The following VAPA variants were observed in gnomAD, a reference collection of about 807,000 sequenced individuals.
VAPA encodes vesicle-associated membrane protein-associated protein A.
In VAPA, 6 loss-of-function variants were observed where a neutral mutation model predicts 25.6. The observed-to-expected ratio is 0.23, with a 90% CI of 0.13 to 0.46. The LOEUF (loss-of-function observed/expected upper bound fraction) is 0.46. Ranked by LOEUF, VAPA falls within the 20% of genes least tolerant of loss-of-function variation. The pLI, the probability that VAPA is intolerant of heterozygous loss-of-function variation, is 0.99. For synonymous variants in VAPA, 112 were observed against 106.2 expected (o/e 1.05, Z -0.34); for missense variants, 244 against 302.1 (o/e 0.81, Z 1.43).
intron 1 of VAPA, 39 bp downstream of exon 1, chr18:9,914,374 C>G (rs1170946401): frequency 6.5e-7 from 1 of 1,532,462 alleles, no homozygotes; most frequent in Non-Finnish European, 8.8e-7. Context: ...GGGTGGGGCG[C>G]GCGGACCGCT....
chr18:9,935,695 T>C (rs1237969709), intron 2 of VAPA, among the ~76,000 whole-genome samples: 3 of 152,230 alleles, frequency 2.0e-5, no homozygotes, highest in South Asian at 4.1e-4. Flanking sequence ...AAATTCATAG[T>C]TTTAATAACT....
intron 1 of VAPA, among the ~76,000 whole-genome samples, chr18:9,916,349 A>C (rs897001486): frequency 6.6e-6 from 1 of 152,178 alleles, no homozygotes; most frequent in African/African-American, 2.4e-5. Flanking sequence ...AGGTGTGTAG[A>C]TGGTATAACA....
At chr18:9,938,535 A>G (rs975297523) in intron 4 of VAPA, among the ~76,000 whole-genome samples, 4 of 152,178 alleles carry the variant, frequency 2.6e-5, no homozygotes, top group African/African-American at 9.7e-5. Context: ...TAGCGCTTGA[A>G]CAAATACTGA....
intron 1 of VAPA, among the ~76,000 whole-genome samples, chr18:9,928,613 A>G (rs1239058217): frequency 2.0e-5 from 3 of 152,198 alleles, no homozygotes; most frequent in African/African-American, 7.2e-5. Context: ...TATATTTTGT[A>G]ATGCTATTGC....
chr18:9,940,629 G>A (rs2069357389), intron 4 of VAPA, among the ~76,000 whole-genome samples: 1 of 152,130 alleles, frequency 6.6e-6, no homozygotes, highest in African/African-American at 2.4e-5. Flanking sequence ...AATTCAAAAT[G>A]TGCAAAATCC....
At position 9,954,993 on chromosome 18, in the gene VAPA, C is replaced by A. The variant is rs2069532192; in HGVS notation, c.*782C>A. ...AAGGAGTTGATTAAATTTTAAGGTACCACTGGTATTTTGGGAGATTATAAT... is the reference window on the plus strand; with the variant it reads ...AAGGAGTTGATTAAATTTTAAGGTAACACTGGTATTTTGGGAGATTATAAT... On this transcript the variant is annotated 3_prime_UTR_variant, in exon 6 of 6. Transcript: ENST00000400000. 1 of 152,108 alleles carries A rather than the reference C, an allele frequency of 6.6e-6. No individual in the cohort carries two copies. Among genetic ancestry groups the A allele is most frequent in the East Asian group, 1.9e-4 (1 of 5,188 alleles). 9.4% of individuals were successfully genotyped at this position (152,108 alleles called of 1,614,324 possible).
chr18:9,950,486 C>T lies in VAPA; in HGVS notation c.509C>T (p.Thr170Ile). ...CCACACAGTGTTTCACTTAATGATA[C>T]CGAAACAAGGAAACTAATGGAAGAG... ...PKPHSVSLND[T>I]ETRKLMEECK... The change falls in exon 5 of 6, where the codon ACC (threonine) becomes ATC (isoleucine). Residue 170 changes from threonine to isoleucine, a missense_variant. By Grantham distance (89) the Thr-to-Ile change is moderately conservative (BLOSUM62 -1). This residue lies in a region of VAPA where 145 missense variants were observed against 140.6 expected (regional missense o/e 1.03). Coordinates refer to ENST00000400000, the MANE Select transcript of VAPA (RefSeq NM_194434.3). 1 of 1,613,936 alleles carries T rather than the reference C, an allele frequency of 6.2e-7. No individual in the cohort carries two copies. The highest frequency in any genetic ancestry group is 8.5e-7 in the Non-Finnish European group (1 of 1,179,990).
chr18:9,937,134 T>G, intron 4 of VAPA, 68 bp downstream of exon 4: 1 of 1,367,276 alleles, frequency 7.3e-7, no homozygotes, highest in Non-Finnish European at 1.0e-6. Context: ...AATTTTGCTT[T>G]TATTTTTGAC....
At chr18:9,931,278 A>G (rs1272051378) in intron 1 of VAPA, among the ~76,000 whole-genome samples, 2 of 152,222 alleles carry the variant, frequency 1.3e-5, no homozygotes, top group African/African-American at 4.8e-5. Context: ...AAGCTTAAAA[A>G]CTTTGTATCT....
intron 4 of VAPA, chr18:9,949,637 C>T (rs190450852): frequency 3.3e-5 from 5 of 152,248 alleles, no homozygotes; most frequent in African/African-American, 1.2e-4. Context: ...AAGCTTGTTA[C>T]ACTAATACTG....
rs541540029 is a variant in VAPA at position 9,926,185 on chromosome 18, C to T, written c.80-5625C>T. Among the ~76,000 whole-genome samples, 161 of 152,226 alleles carry T rather than the reference C, an allele frequency of 1.1e-3. 2 individuals are homozygous for T. Among genetic ancestry groups the T allele is most frequent in the Middle Eastern group, 6.8e-3 (2 of 294 alleles). The stretch of plus-strand genomic sequence containing the variant: ...GTTCCGTTAGTAGATATTCTGTGTA[C>T]TATATAGTATTAATATATGTTTTGT... On this transcript the variant is annotated intron_variant, in intron 1 of 5. Coordinates refer to ENST00000400000, the MANE Select transcript of VAPA (RefSeq NM_194434.3).
At chr18:9,918,584 T>C (rs2069131790) in intron 1 of VAPA, among the ~76,000 whole-genome samples, 1 of 152,214 alleles carries the variant, frequency 6.6e-6, no homozygotes, top group Non-Finnish European at 1.5e-5. Flanking sequence ...TCTTATTTGC[T>C]CCATTTATTG....
chr18:9,914,278 A>T lies in VAPA; in HGVS notation c.22A>T (p.Met8Leu). The T allele has an allele frequency of 6.3e-7, 1 of 1,586,780 alleles. No individual in the cohort carries two copies. The highest frequency in any genetic ancestry group is 8.6e-7 in the Non-Finnish European group (1 of 1,168,012). ...TCCGATGGCGTCCGCCTCAGGGGCC[A>T]TGGCGAAGCACGAGCAGATCCTGGT... MASASGA[M>L]AKHEQILVLD... The change falls in exon 1 of 6, where the codon ATG (methionine) becomes TTG (leucine). Residue 8 changes from methionine to leucine, a missense_variant. Around this residue, in one of 2 missense-constraint regions of VAPA, gnomAD observed 99 missense variants for 161.6 expected, o/e 0.61. Transcript: ENST00000400000.
At chr18:9,929,160 G>A (rs1049036466) in intron 1 of VAPA, among the ~76,000 whole-genome samples, 3 of 152,168 alleles carry the variant, frequency 2.0e-5, no homozygotes, top group Non-Finnish European at 2.9e-5. Context: ...TCCTGTTCAC[G>A]TAATAGATGA....
chr18:9,927,474 C>CTTTTTTTTTTTTTTTTTTTTTT (rs74852348), intron 1 of VAPA, among the ~76,000 whole-genome samples: 1 of 135,678 alleles, frequency 7.4e-6, no homozygotes, highest in African/African-American at 2.7e-5. Flanking sequence ...TACAGTGGTT[C>CTTTTTTTTTTTTTTTTTTTTTT]TTTTTTTTTT....
chr18:9,924,236 T>A (rs2069181546), intron 1 of VAPA, among the ~76,000 whole-genome samples: 1 of 152,206 alleles, frequency 6.6e-6, no homozygotes. Flanking sequence ...TTCTTTTCTA[T>A]TTCTTTACAT....
intron 4 of VAPA, among the ~76,000 whole-genome samples, chr18:9,937,752 G>T (rs2069326319): frequency 6.6e-6 from 1 of 152,014 alleles, no homozygotes; most frequent in Non-Finnish European, 1.5e-5. Context: ...TTCTGTGTGT[G>T]TATGTGACTT....
chr18:9,946,746 A>G (rs2069428311), intron 4 of VAPA, among the ~76,000 whole-genome samples: 1 of 152,124 alleles, frequency 6.6e-6, no homozygotes, highest in African/African-American at 2.4e-5. Flanking sequence ...CTAGGACATT[A>G]CTGTACACTG....
rs2069558373 is a variant in VAPA at position 9,956,994 on chromosome 18, A to C, written c.*2783A>C. ...AAAAAAAATGACACTTGGAAGAAAA[A>C]TGTATGAAATTCAGAAATTCCGATC... On this transcript the variant is annotated 3_prime_UTR_variant, in exon 6 of 6. Coordinates refer to ENST00000400000, the MANE Select transcript of VAPA (RefSeq NM_194434.3). 6.6e-6 allele frequency: 1 copy of C among 152,086 alleles called. No individual in the cohort carries two copies. The highest frequency in any genetic ancestry group is 1.5e-5 in the Non-Finnish European group (1 of 68,016). The allele number at this position is 152,086 out of a possible 1,614,324, so 9.4% of individuals were successfully genotyped here.
Sources: allele counts gnomAD v4.1 joint callset (sites outside exome capture counted in the v4.1 genomes callset), GRCh38; gene constraint gnomAD v4.1.1; regional missense constraint gnomAD v4.1.1; transcripts MANE v1.5; gene names NCBI Gene and HGNC (gene_info 2026-07-23, HGNC 2026-07-21).